The following PTCHD4 variants were observed in gnomAD, a reference collection of about 807,000 sequenced individuals.
PTCHD4 encodes patched domain containing 4, also known as patched domain-containing protein 4.
A neutral mutation model predicts 58.1 loss-of-function variants in PTCHD4; 33 were observed. The observed-to-expected ratio is 0.57, with a 90% CI of 0.43 to 0.76. The LOEUF (loss-of-function observed/expected upper bound fraction) is 0.76. Ranked by LOEUF, PTCHD4 falls within the 30% of genes least tolerant of loss-of-function variation. The pLI is 0.00. For missense variants in PTCHD4, 1,058 were observed against 1,027.1 expected, an observed-to-expected ratio of 1.03 and a Z score of -0.41; for synonymous variants, 478 against 409.6, an observed-to-expected ratio of 1.17 and a Z score of -2.02.
intron 4 of PTCHD4, among the ~76,000 whole-genome samples, chr6:47,923,557 T>C (rs1300371416): frequency 6.6e-6 from 1 of 152,216 alleles, no homozygotes; most frequent in African/African-American, 2.4e-5. Flanking sequence ...GTGTTGTTTT[T>C]GTTTTCCACA....
At chr6:48,104,120 G>A (rs939181565) in intron 1 of PTCHD4, among the ~76,000 whole-genome samples, 25 of 152,126 alleles carry the variant, frequency 1.6e-4, no homozygotes, top group African/African-American at 5.8e-4. Context: ...GATACTCCTC[G>A]AGAAGAGCAA....
chr6:48,039,075 A>T (rs542531648), intron 3 of PTCHD4, among the ~76,000 whole-genome samples: 1 of 152,302 alleles, frequency 6.6e-6, no homozygotes, highest in Admixed American at 6.5e-5. Flanking sequence ...TTTAGCATAC[A>T]TGCACTTGGA....
intron 4 of PTCHD4, among the ~76,000 whole-genome samples, chr6:47,934,043 T>C (rs1214880328): frequency 6.6e-6 from 1 of 152,214 alleles, no homozygotes; most frequent in Non-Finnish European, 1.5e-5. Flanking sequence ...ATATATAATG[T>C]ACATGTATAT....
chr6:47,870,395 T>C lies in PTCHD4; in HGVS notation c.*7908A>G, dbSNP rs1285069312. Among the ~76,000 whole-genome samples the C allele has an allele frequency of 6.6e-6, 1 of 151,708 alleles. No individual in the cohort carries two copies. Among genetic ancestry groups the C allele is most frequent in the African/African-American group, 2.4e-5 (1 of 41,398 alleles). On this transcript the variant is annotated 3_prime_UTR_variant, in exon 5 of 5. Coordinates refer to ENST00000339488, the MANE Select transcript of PTCHD4 (RefSeq NM_001384253.1). ...GGAAATATTTGGAACATAATTTCCC[T>C]TGACTGAGGTATGAGATTCATTTAA...
At chr6:47,986,986 C>A (rs2145363) in intron 4 of PTCHD4, among the ~76,000 whole-genome samples, 106,759 of 151,936 alleles carry the variant, frequency 0.7, 37,590 homozygotes, top group East Asian at 0.84. Context: ...CTCATGGTGG[C>A]AAAACCTTTT....
chr6:48,096,919 T>G (rs962274365), intron 1 of PTCHD4, among the ~76,000 whole-genome samples: 7 of 152,160 alleles, frequency 4.6e-5, no homozygotes, highest in Non-Finnish European at 1.0e-4. Flanking sequence ...AACTGAAAAT[T>G]TTGTAGTTAT....
intron 3 of PTCHD4, among the ~76,000 whole-genome samples, chr6:48,038,192 T>C (rs1418184631): frequency 6.7e-6 from 1 of 148,942 alleles, no homozygotes; most frequent in Non-Finnish European, 1.5e-5. Context: ...CTTTAAATTA[T>C]CCGTGTCTCC....
chr6:48,000,778 G>C (rs1398601771), intron 4 of PTCHD4, among the ~76,000 whole-genome samples: 1 of 152,140 alleles, frequency 6.6e-6, no homozygotes, highest in Non-Finnish European at 1.5e-5. Context: ...CTTATGCTCT[G>C]AATCTAGTCC....
intron 4 of PTCHD4, among the ~76,000 whole-genome samples, chr6:47,970,033 G>A (rs1003086313): frequency 4.6e-5 from 7 of 152,136 alleles, no homozygotes; most frequent in Admixed American, 4.6e-4. Context: ...CACAATCTGA[G>A]CATATGGATG....
Position 47,878,948 on chromosome 6 carries a change from TA to T in PTCHD4, c.1886del (p.Leu629HisfsTer31), listed in dbSNP as rs1561935310. The T allele has an allele frequency of 1.9e-6, 3 of 1,613,102 alleles. No individual in the cohort carries two copies. ...ITEVLEKLRP[L>X]SLSKSIRFIV... The stretch of plus-strand genomic sequence containing the variant: ...TGAATCGGATGCTCTTTGAGAGGGA[TA>T]GGGGCCTCAGCTTTTCCAACACTTC... On this transcript the variant is annotated frameshift_variant, in exon 5 of 5. Transcript: ENST00000339488. LOFTEE classifies it high-confidence loss of function.
rs1392363138 is a variant in PTCHD4 at position 47,860,836 on chromosome 6, T to C, written c.*17467A>G. Among the ~76,000 whole-genome samples, 1 of 152,056 alleles carries C rather than the reference T, an allele frequency of 6.6e-6. No individual in the cohort carries two copies. Among genetic ancestry groups the C allele is most frequent in the Non-Finnish European group, 1.5e-5 (1 of 67,948 alleles). On this transcript the variant is annotated 3_prime_UTR_variant, in exon 5 of 5. Coordinates refer to ENST00000339488, the MANE Select transcript of PTCHD4 (RefSeq NM_001384253.1). ...GGTTACAAATGAACTGGCGATAAAA[T>C]ACTTTCATAAAAATTATTTATCCTG...
rs966085524 is a variant in PTCHD4, at chr6:47,861,105, G to A, written c.*17198C>T. On this transcript the variant is annotated 3_prime_UTR_variant, in exon 5 of 5. Transcript: ENST00000339488. ...TCCAGTGCTAAATTTCAAACATGTTGGAACTTGGCGTGAAGAAGGGCAAGA... is the reference window on the plus strand; with the variant it reads ...TCCAGTGCTAAATTTCAAACATGTTAGAACTTGGCGTGAAGAAGGGCAAGA... Among the ~76,000 whole-genome samples the A allele has an allele frequency of 1.3e-5, 2 of 151,926 alleles. No individual in the cohort carries two copies. The highest frequency in any genetic ancestry group is 2.9e-5 in the Non-Finnish European group (2 of 67,858).
intron 3 of PTCHD4, among the ~76,000 whole-genome samples, chr6:48,034,345 T>C (rs1763554535): frequency 6.6e-6 from 1 of 152,044 alleles, no homozygotes; most frequent in Non-Finnish European, 1.5e-5. Context: ...CTAAGGACAG[T>C]TATTACTGGG....
chr6:47,918,969 A>G (rs989466764), intron 4 of PTCHD4, among the ~76,000 whole-genome samples: 1 of 152,128 alleles, frequency 6.6e-6, no homozygotes, highest in Non-Finnish European at 1.5e-5. Context: ...GGTGCGAGCC[A>G]TAGTGAACTA....
intron 4 of PTCHD4, among the ~76,000 whole-genome samples, chr6:47,946,487 C>A (rs547451648): frequency 6.6e-6 from 1 of 152,118 alleles, no homozygotes; most frequent in South Asian, 2.1e-4. Context: ...CTTTTGTTCC[C>A]CCAATATCAA....
chr6:48,046,805 T>A (rs980910026), intron 3 of PTCHD4, among the ~76,000 whole-genome samples: 1 of 151,900 alleles, frequency 6.6e-6, no homozygotes, highest in Non-Finnish European at 1.5e-5. Flanking sequence ...TTGAAACGTA[T>A]TAAAATTGAG....
chr6:47,913,130 T>C (rs947407741), intron 4 of PTCHD4, among the ~76,000 whole-genome samples: 1 of 152,112 alleles, frequency 6.6e-6, no homozygotes. Flanking sequence ...CTACCCCATA[T>C]TGGTTGTGTC....
At chr6:48,106,425 T>A (rs902795966) in intron 1 of PTCHD4, among the ~76,000 whole-genome samples, 2 of 152,160 alleles carry the variant, frequency 1.3e-5, no homozygotes, top group Admixed American at 1.3e-4. Flanking sequence ...AAATTCTCAA[T>A]AAATTAGGTA....
chr6:48,101,625 C>A, intron 1 of PTCHD4, among the ~76,000 whole-genome samples: 1 of 152,256 alleles, frequency 6.6e-6, no homozygotes, highest in East Asian at 1.9e-4. Context: ...GGTAGCCTCA[C>A]GATTTATTAT....
Sources: allele counts gnomAD v4.1 joint callset (sites outside exome capture counted in the v4.1 genomes callset), GRCh38; gene constraint gnomAD v4.1.1; transcripts MANE v1.5; gene names NCBI Gene and HGNC (gene_info 2026-07-23, HGNC 2026-07-21).